The following TENM3 variants were observed in gnomAD, a reference collection of about 807,000 sequenced individuals.
The protein encoded by TENM3 is teneurin transmembrane protein 3, also known as teneurin-3.
In TENM3, 63 loss-of-function variants were observed where a neutral mutation model predicts 255.1. The ratio of observed to expected loss-of-function variants is 0.25; its 90% confidence interval spans 0.20 to 0.30. The LOEUF (loss-of-function observed/expected upper bound fraction) is 0.30, where lower values mean the gene tolerates loss of function less well. Among genes scored for constraint, TENM3 ranks in the 10% least tolerant of loss-of-function variants. The pLI, the probability that TENM3 is intolerant of heterozygous loss-of-function variation, is 1.00. For synonymous variants in TENM3, 1,306 were observed against 1,322.3 expected, an observed-to-expected ratio of 0.99 and a Z score of 0.27; for missense variants, 2,929 against 3,461.1, an observed-to-expected ratio of 0.85 and a Z score of 3.86.
chr4:182,434,951 A>G (rs1561443482), intron 3 of TENM3, among the ~76,000 whole-genome samples: 1 of 152,186 alleles, frequency 6.6e-6, no homozygotes, highest in Non-Finnish European at 1.5e-5. Context: ...CAGAACAATG[A>G]GTACAGGAAA....
At chr4:182,629,063 T>A (rs2152470278) in intron 5 of TENM3, among the ~76,000 whole-genome samples, 174 bp downstream of exon 5, 1 of 152,226 alleles carries the variant, frequency 6.6e-6, no homozygotes, top group South Asian at 2.1e-4. Flanking sequence ...TTCAGCAAAT[T>A]TAGATACATA....
intron 3 of TENM3, among the ~76,000 whole-genome samples, chr4:182,357,182 G>T (rs1162050854): frequency 6.6e-6 from 1 of 151,944 alleles, no homozygotes; most frequent in Non-Finnish European, 1.5e-5. Flanking sequence ...AAACATACGT[G>T]TGCATGTGTC....
At chr4:182,031,646 G>A in the TENM3 span, among the ~76,000 whole-genome samples, 1 of 152,226 alleles carries the variant, frequency 6.6e-6, no homozygotes, top group East Asian at 1.9e-4. Context: ...TTTGGGCAGT[G>A]TGGCCATTTT....
At chr4:181,962,640 G>A in the TENM3 span, among the ~76,000 whole-genome samples, 1 of 152,156 alleles carries the variant, frequency 6.6e-6, no homozygotes, top group African/African-American at 2.4e-5. Flanking sequence ...TAAGTTACAT[G>A]GCGTGATGAT....
chr4:182,114,848 C>T, the TENM3 span, among the ~76,000 whole-genome samples: 1 of 152,050 alleles, frequency 6.6e-6, no homozygotes, highest in East Asian at 1.9e-4. Context: ...ACTCTAAGGT[C>T]AACTATTTTA....
chr4:181,780,296 C>T, the TENM3 span, among the ~76,000 whole-genome samples: 1 of 152,116 alleles, frequency 6.6e-6, no homozygotes, highest in Non-Finnish European at 1.5e-5. Context: ...TCTCCAGCAC[C>T]TGTTGTTTCC....
the TENM3 span, among the ~76,000 whole-genome samples, chr4:181,594,741 T>G: frequency 2.0e-5 from 3 of 152,180 alleles, no homozygotes; most frequent in Non-Finnish European, 4.4e-5. Context: ...CAACTGCCTT[T>G]TAGATATTTT....
At chr4:181,580,570 C>A in the TENM3 span, among the ~76,000 whole-genome samples, 5 of 152,194 alleles carry the variant, frequency 3.3e-5, no homozygotes, top group African/African-American at 1.2e-4. Flanking sequence ...CCCCCAGCAC[C>A]TGACTATGCT....
intron 26 of TENM3, among the ~76,000 whole-genome samples, chr4:182,796,353 C>G (rs1019749281): frequency 6.6e-6 from 1 of 152,218 alleles, no homozygotes; most frequent in African/African-American, 2.4e-5. Context: ...TTTGCTAGCA[C>G]TGTTACTAGC....
the TENM3 span, among the ~76,000 whole-genome samples, chr4:181,469,159 A>G: frequency 1.3e-5 from 2 of 152,186 alleles, no homozygotes; most frequent in Non-Finnish European, 2.9e-5. Flanking sequence ...TGTATCATAA[A>G]CTTTGACTTG....
At chr4:182,002,524 T>C in the TENM3 span, among the ~76,000 whole-genome samples, 4 of 152,136 alleles carry the variant, frequency 2.6e-5, no homozygotes, top group Non-Finnish European at 5.9e-5. Flanking sequence ...TTGGTTCTCC[T>C]GTGATGGTAA....
the TENM3 span, among the ~76,000 whole-genome samples, chr4:181,549,878 A>T: frequency 3.3e-5 from 5 of 152,150 alleles, no homozygotes; most frequent in African/African-American, 4.8e-5. Context: ...TTCAGCACTG[A>T]ATTTCTCTGA....
chr4:181,477,179 G>A, the TENM3 span, among the ~76,000 whole-genome samples: 2 of 151,948 alleles, frequency 1.3e-5, no homozygotes, highest in African/African-American at 2.4e-5. Flanking sequence ...TTCCACCACC[G>A]GCTAGTTCTG....
At chr4:181,655,012 G>T in the TENM3 span, among the ~76,000 whole-genome samples, 1 of 152,174 alleles carries the variant, frequency 6.6e-6, no homozygotes, top group Admixed American at 6.5e-5. Context: ...TCAGGCATTT[G>T]CAATCAAGCT....
chr4:182,714,059 C>G (rs1758958347), intron 12 of TENM3, 28 bp from the exon 13 acceptor site: 1 of 1,607,320 alleles, frequency 6.2e-7, no homozygotes, highest in Admixed American at 1.7e-5. Flanking sequence ...ACTCAAATCA[C>G]TGGTGTTTTC....
chr4:182,538,688 AG>A lies in TENM3; in HGVS notation c.512-62233del, dbSNP rs1470075550. Among the ~76,000 whole-genome samples, 3 of 152,296 alleles carry A rather than the reference AG, an allele frequency of 2.0e-5. No homozygotes were observed. The East Asian group carries it at 5.8e-4, about 29-fold the overall frequency. On this transcript the variant is annotated intron_variant, in intron 3 of 27. Coordinates refer to ENST00000511685, the MANE Select transcript of TENM3 (RefSeq NM_001080477.4). Reference sequence around the variant, plus strand: ...CAATATAGAGCAAATTGGAGACTGCAGGGAGGTGGTAGTGGAGTTGAAGAGA... The same window carrying A: ...CAATATAGAGCAAATTGGAGACTGCAGGAGGTGGTAGTGGAGTTGAAGAGA...
chr4:182,565,213 A>G (rs1160615039), intron 3 of TENM3, among the ~76,000 whole-genome samples: 1 of 152,168 alleles, frequency 6.6e-6, no homozygotes, highest in Non-Finnish European at 1.5e-5. Context: ...GTTACCACCC[A>G]TTTTTGCTTA....
At chr4:182,667,514 T>C (rs1754803367) in intron 6 of TENM3, among the ~76,000 whole-genome samples, 1 of 152,172 alleles carries the variant, frequency 6.6e-6, no homozygotes, top group Middle Eastern at 3.2e-3. Flanking sequence ...TCAGAAAAAG[T>C]CTGACTTATT....
intron 3 of TENM3, among the ~76,000 whole-genome samples, chr4:182,453,938 C>T (rs1290530306): frequency 1.3e-5 from 2 of 152,076 alleles, no homozygotes; most frequent in African/African-American, 4.8e-5. Flanking sequence ...TGTACATTAG[C>T]GGAGTAGACA....
Sources: allele counts gnomAD v4.1 joint callset (sites outside exome capture counted in the v4.1 genomes callset), GRCh38; gene constraint gnomAD v4.1.1; transcripts MANE v1.5; gene names NCBI Gene and HGNC (gene_info 2026-07-23, HGNC 2026-07-21).